Variants in ZDHHC17 observed in about 807,000 individuals in gnomAD.
ZDHHC17 encodes palmitoyltransferase ZDHHC17.
ZDHHC17 carries 40 observed loss-of-function variants against 90.3 expected under a neutral mutation model. The ratio of observed to expected loss-of-function variants is 0.44; its 90% confidence interval spans 0.34 to 0.58. The LOEUF (loss-of-function observed/expected upper bound fraction) is 0.58. Among genes scored for constraint, ZDHHC17 ranks in the 20% least tolerant of loss-of-function variants. The pLI is 0.01. For missense variants in ZDHHC17, 614 were observed against 780.8 expected, an observed-to-expected ratio of 0.79 and a Z score of 2.55; for synonymous variants, 235 against 252.4, an observed-to-expected ratio of 0.93 and a Z score of 0.65.
At chr12:76,799,267 A>ATC (rs2137748311) in intron 2 of ZDHHC17, among the ~76,000 whole-genome samples, 1 of 152,360 alleles carries the variant, frequency 6.6e-6, no homozygotes, top group African/African-American at 2.4e-5. Flanking sequence ...AGAAGAAAGC[A>ATC]TAAAGTGGTA....
intron 7 of ZDHHC17, among the ~76,000 whole-genome samples, chr12:76,819,435 G>A (rs1219995462): frequency 1.3e-5 from 2 of 152,114 alleles, no homozygotes; most frequent in Non-Finnish European, 2.9e-5. Context: ...GTAACGATAA[G>A]ATGCAGCCTG....
At chr12:76,820,665 C>A (rs1477747) in intron 7 of ZDHHC17, among the ~76,000 whole-genome samples, 90,642 of 151,936 alleles carry the variant, frequency 0.6, 27,079 homozygotes, top group East Asian at 0.67. Flanking sequence ...CTCTTAAATA[C>A]CTGACCTAAA....
At chr12:76,770,926 CAAAAA>C (rs34292734) in intron 1 of ZDHHC17, among the ~76,000 whole-genome samples, 10 of 76,194 alleles carry the variant, frequency 1.3e-4, no homozygotes, top group African/African-American at 4.5e-4. Context: ...AACTCCATCT[CAAAAA>C]AAAAAAAAAA....
At chr12:76,839,350 C>G (rs1342631495) in intron 10 of ZDHHC17, among the ~76,000 whole-genome samples, 1 of 152,218 alleles carries the variant, frequency 6.6e-6, no homozygotes, top group Admixed American at 6.5e-5. Context: ...CCAGAATCAT[C>G]ATCTTTTTTG....
chr12:76,794,602 C>G (rs1952797569), intron 1 of ZDHHC17, among the ~76,000 whole-genome samples: 3 of 151,990 alleles, frequency 2.0e-5, no homozygotes. Flanking sequence ...AAAATAGATA[C>G]CTTTTACTAA....
intron 7 of ZDHHC17, among the ~76,000 whole-genome samples, chr12:76,818,360 A>G (rs1953115358): frequency 6.6e-6 from 1 of 152,158 alleles, no homozygotes; most frequent in African/African-American, 2.4e-5. Context: ...GAAACCATGT[A>G]TTTATTCGTT....
chr12:76,821,229 A>G, intron 7 of ZDHHC17: 1 of 941,508 alleles, frequency 1.1e-6, no homozygotes, highest in Non-Finnish European at 1.4e-6. Flanking sequence ...GAATTTTGGA[A>G]TAGGTAAGGC....
chr12:76,851,070 CCTTTGAA>C lies in ZDHHC17; in HGVS notation c.*87_*93del. ...GTCTTTCTCACACTCGAATCCACAT[CCTTTGAA>C]CAAGAGCATGCTATGTGTAGGGCTA... On this transcript the variant is annotated 3_prime_UTR_variant, in exon 17 of 17. Transcript: ENST00000426126. 1 of 1,547,688 alleles carries C rather than the reference CCTTTGAA, an allele frequency of 6.5e-7. No homozygotes were observed. The highest frequency in any genetic ancestry group is 8.8e-7 in the Non-Finnish European group (1 of 1,135,814).
chr12:76,808,399 A>G (rs1211664782), intron 3 of ZDHHC17, among the ~76,000 whole-genome samples: 2 of 152,120 alleles, frequency 1.3e-5, no homozygotes, highest in East Asian at 3.9e-4. Flanking sequence ...GGGAGTCCAA[A>G]GTAGGAGGAT....
In ZDHHC17 at chr12:76,851,029, A is replaced by C; in HGVS notation, c.*44A>C. 6.2e-7 allele frequency: 1 copy of C among 1,611,670 alleles called. No individual in the cohort carries two copies. Among genetic ancestry groups the C allele is most frequent in the South Asian group, 1.1e-5 (1 of 90,648 alleles). On this transcript the variant is annotated 3_prime_UTR_variant, in exon 17 of 17. Transcript: ENST00000426126. ...AGCATATTGCTGAGTGGTGCCTGAA[A>C]ATTGTGTCTGTCCGTGTCTTTCTCA... is the stretch of plus-strand genomic sequence containing the variant.
At chr12:76,832,855 C>T (rs1953320594) in intron 10 of ZDHHC17, among the ~76,000 whole-genome samples, 1 of 152,202 alleles carries the variant, frequency 6.6e-6, no homozygotes, top group African/African-American at 2.4e-5. Flanking sequence ...CAGAATGTTG[C>T]TTTGCTCAGC....
chr12:76,806,595 G>A (rs915131565), intron 3 of ZDHHC17, among the ~76,000 whole-genome samples: 6 of 151,952 alleles, frequency 3.9e-5, no homozygotes, highest in Non-Finnish European at 5.9e-5. Flanking sequence ...GGCTGGTCTC[G>A]AACTCCCGCC....
At position 76,782,291 on chromosome 12, in the gene ZDHHC17, C is replaced by G. The variant is rs908462669; in HGVS notation, c.94-15143C>G. On this transcript the variant is annotated intron_variant, in intron 1 of 16. Coordinates refer to ENST00000426126, the MANE Select transcript of ZDHHC17 (RefSeq NM_015336.4). The stretch of plus-strand genomic sequence containing the variant: ...TTGCAGAAAATAGTTAGGCCTCCCT[C>G]CCTGGAATGTTACCTGAGTAAAGTG... 8.1e-4 allele frequency among the ~76,000 whole-genome samples: 123 copies of G among 152,206 alleles called. 1 individual carries two copies. Among genetic ancestry groups the G allele is most frequent in the Non-Finnish European group, 1.5e-4 (10 of 68,022 alleles).
At chr12:76,774,018 G>A (rs1348172973) in intron 1 of ZDHHC17, among the ~76,000 whole-genome samples, 1 of 152,154 alleles carries the variant, frequency 6.6e-6, no homozygotes, top group African/African-American at 2.4e-5. Context: ...GGGAGGCTGA[G>A]GTGGGAGGAT....
At chr12:76,778,418 A>G (rs1952585316) in intron 1 of ZDHHC17, among the ~76,000 whole-genome samples, 1 of 152,154 alleles carries the variant, frequency 6.6e-6, no homozygotes, top group Admixed American at 6.5e-5. Flanking sequence ...ACGGGGTTTC[A>G]CTATATGTTG....
chr12:76,852,131 G>A lies in ZDHHC17; in HGVS notation c.*1146G>A, dbSNP rs1201117730. The stretch of plus-strand genomic sequence containing the variant: ...AGAAAAAATTTTCTTTTTGTTAAAT[G>A]TGATGCACTGATCAATTTTTGTCAC... On this transcript the variant is annotated 3_prime_UTR_variant, in exon 17 of 17. Coordinates refer to ENST00000426126, the MANE Select transcript of ZDHHC17 (RefSeq NM_015336.4). 2.6e-5 allele frequency: 4 copies of A among 152,760 alleles called. No homozygotes were observed. Among genetic ancestry groups the A allele is most frequent in the South Asian group, 2.1e-4 (1 of 4,826 alleles). The allele number at this position is 152,760 out of a possible 1,614,324, so 9.5% of individuals were successfully genotyped here.
rs568645675 is a variant in ZDHHC17, at chr12:76,845,846, AC to A, written c.1423+45del. The A allele has an allele frequency of 3.8e-5, 41 of 1,080,924 alleles. No individual in the cohort carries two copies. The Admixed American group carries it at 5.9e-4, about 16-fold the overall frequency. The allele number at this position is 1,080,924 out of a possible 1,614,324, so 67.0% of individuals were successfully genotyped here. A position where few individuals can be genotyped will look rare whatever the true frequency, so the allele number is the denominator to read the frequency against. On this transcript the variant is annotated intron_variant, in intron 13 of 16. Coordinates refer to ENST00000426126, the MANE Select transcript of ZDHHC17 (RefSeq NM_015336.4). The stretch of plus-strand genomic sequence containing the variant: ...TTCTTCTGTATCATTCATTTAAGTT[AC>A]TTTAGGTAATGAATAAAGTATAATA...
intron 1 of ZDHHC17, among the ~76,000 whole-genome samples, chr12:76,770,391 G>T (rs1952478702): frequency 6.6e-6 from 1 of 152,144 alleles, no homozygotes; most frequent in South Asian, 2.1e-4. Flanking sequence ...TGCTACAAGG[G>T]AGTGTTTATT....
chr12:76,799,538 A>G (rs538660547), intron 2 of ZDHHC17, among the ~76,000 whole-genome samples: 4 of 152,298 alleles, frequency 2.6e-5, no homozygotes, highest in African/African-American at 7.2e-5. Context: ...ACTTCCCTGA[A>G]TGCCTTGGAA....
Sources: gnomAD v4.1 joint callset for allele counts (sites outside exome capture counted in the v4.1 genomes callset) on GRCh38, gnomAD v4.1.1 for gene constraint, MANE v1.5 for transcripts, NCBI Gene and HGNC (gene_info 2026-07-23, HGNC 2026-07-21) for gene names.